NRF1: variants seen among roughly 807,000 people sequenced by gnomAD.
The protein encoded by NRF1 is nuclear respiratory factor 1.
In NRF1, 5 loss-of-function variants were observed where a neutral mutation model predicts 58.5. The ratio of observed to expected loss-of-function variants is 0.09; its 90% confidence interval spans 0.04 to 0.18. The LOEUF (loss-of-function observed/expected upper bound fraction) is 0.18. Ranked by LOEUF, NRF1 falls within the 10% of genes least tolerant of loss-of-function variation. NRF1 has a pLI of 1.00. For missense variants in NRF1, 288 were observed against 657.7 expected, an observed-to-expected ratio of 0.44 and a Z score of 6.15; for synonymous variants, 224 against 246.7, an observed-to-expected ratio of 0.91 and a Z score of 0.86.
At chr7:129,645,325 A>G (rs1365064771) in intron 1 of NRF1, among the ~76,000 whole-genome samples, 1 of 152,254 alleles carries the variant, frequency 6.6e-6, no homozygotes, top group Non-Finnish European at 1.5e-5. Context: ...AATGGAATAC[A>G]GTATTCTGGT....
intron 4 of NRF1, among the ~76,000 whole-genome samples, chr7:129,679,458 A>G (rs150378833): frequency 6.6e-6 from 1 of 152,246 alleles, no homozygotes; most frequent in Admixed American, 6.5e-5. Flanking sequence ...TATTGAGAAT[A>G]TATAAAGAAT....
intron 2 of NRF1, among the ~76,000 whole-genome samples, chr7:129,657,935 G>A (rs935719457): frequency 2.4e-4 from 36 of 152,106 alleles, no homozygotes; most frequent in Admixed American, 4.6e-4. Flanking sequence ...TTTAAGCCTT[G>A]CAGTTATAAC....
chr7:129,701,427 G>A (rs922773650), intron 5 of NRF1, among the ~76,000 whole-genome samples: 3 of 151,754 alleles, frequency 2.0e-5, no homozygotes, highest in South Asian at 2.1e-4. Flanking sequence ...GTGAAACCCC[G>A]TCTCTACTAA....
chr7:129,615,422 A>T (rs1161499013), intron 1 of NRF1, among the ~76,000 whole-genome samples: 1 of 28,376 alleles, frequency 3.5e-5, no homozygotes, highest in African/African-American at 1.3e-4. Flanking sequence ...TTTGTGTGTG[A>T]CTGTGTGATG....
chr7:129,639,839 C>T (rs1187864979), intron 1 of NRF1, among the ~76,000 whole-genome samples: 9 of 152,304 alleles, frequency 5.9e-5, no homozygotes, highest in East Asian at 3.9e-4. Flanking sequence ...TGAGCCACTG[C>T]GCTCTTCCGC....
chr7:129,695,534 C>G (rs1288673205), intron 5 of NRF1, among the ~76,000 whole-genome samples: 4 of 151,086 alleles, frequency 2.6e-5, no homozygotes, highest in South Asian at 2.1e-4. Context: ...CGAGATCATG[C>G]CACTGCACTC....
intron 5 of NRF1, among the ~76,000 whole-genome samples, chr7:129,708,311 A>G (rs1802997932): frequency 6.6e-6 from 1 of 152,272 alleles, no homozygotes; most frequent in African/African-American, 2.4e-5. Context: ...TTACTATGCC[A>G]GGAAATAAGA....
chr7:129,756,718 T>G lies in NRF1; in HGVS notation c.*1537T>G, dbSNP rs1804268743. On this transcript the variant is annotated 3_prime_UTR_variant, in exon 11 of 11. Transcript: ENST00000393232. ...GCGACATTAAAAGATTCTCCACGTC[T>G]TGCTCAACCTTTGAGAGAAGTTTCA... 1 of 152,676 alleles carries G rather than the reference T, an allele frequency of 6.5e-6. No homozygotes were observed. 9.5% of individuals were successfully genotyped at this position (152,676 alleles called of 1,614,324 possible). A position where few individuals can be genotyped will look rare whatever the true frequency, so the allele number is the denominator to read the frequency against.
intron 1 of NRF1, among the ~76,000 whole-genome samples, chr7:129,639,191 C>T (rs568973371): frequency 1.5e-4 from 23 of 152,152 alleles, no homozygotes; most frequent in Admixed American, 7.2e-4. Flanking sequence ...TCCCGAGTAG[C>T]TGGGATTATA....
intron 8 of NRF1, among the ~76,000 whole-genome samples, chr7:129,712,586 G>A (rs1803098501): frequency 6.6e-6 from 1 of 152,214 alleles, no homozygotes; most frequent in Admixed American, 6.5e-5. Flanking sequence ...CTGTGTAGCT[G>A]CAGCTGTGTG....
chr7:129,680,784 C>T (rs975572500), intron 4 of NRF1, among the ~76,000 whole-genome samples: 2 of 152,124 alleles, frequency 1.3e-5, no homozygotes, highest in African/African-American at 4.8e-5. Flanking sequence ...TAGTGGTTGC[C>T]AGAGACTGGG....
intron 9 of NRF1, among the ~76,000 whole-genome samples, chr7:129,719,545 A>ACACAC (rs1562982215): frequency 6.4e-5 from 6 of 93,094 alleles, no homozygotes; most frequent in South Asian, 3.3e-4. Flanking sequence ...CACACACACA[A>ACACAC]CACATCTTCT....
chr7:129,729,372 G>C (rs1803527066), intron 10 of NRF1, among the ~76,000 whole-genome samples: 1 of 152,232 alleles, frequency 6.6e-6, no homozygotes, highest in Non-Finnish European at 1.5e-5. Context: ...CATTTGGTGT[G>C]ATTTCATGTT....
At chr7:129,619,433 T>TATATACAC (rs1554401492) in intron 1 of NRF1, among the ~76,000 whole-genome samples, 3 of 65,864 alleles carry the variant, frequency 4.6e-5, no homozygotes, top group African/African-American at 2.5e-4. Flanking sequence ...TATATATATA[T>TATATACAC]ACACACACAC....
rs527484262 is a variant in NRF1 at position 129,671,322 on chromosome 7, C to T, written c.224-107C>T. 17 of 625,480 alleles carry T rather than the reference C, an allele frequency of 2.7e-5. No homozygotes were observed. In the South Asian group the frequency reaches 3.1e-4, roughly 12 times the overall value. 38.7% of individuals were successfully genotyped at this position (625,480 alleles called of 1,614,324 possible). On this transcript the variant is annotated intron_variant, in intron 2 of 10. Transcript: ENST00000393232. The stretch of plus-strand genomic sequence containing the variant: ...ATCAGGATCATTCTTTATTTACCGA[C>T]AACAATATTAGGAAAGCAGTGCTAC...
intron 1 of NRF1, among the ~76,000 whole-genome samples, chr7:129,636,997 G>A (rs1012605080): frequency 3.3e-5 from 5 of 152,146 alleles, no homozygotes; most frequent in African/African-American, 1.2e-4. Context: ...TGCCTAGTAA[G>A]TAAAATGACC....
At chr7:129,651,187 C>T (rs1801526265) in intron 1 of NRF1, among the ~76,000 whole-genome samples, 1 of 151,768 alleles carries the variant, frequency 6.6e-6, no homozygotes, top group Non-Finnish European at 1.5e-5. Flanking sequence ...TTTGAGAGAC[C>T]GAGGCAGATG....
chr7:129,678,187 C>A (rs921385758), intron 4 of NRF1, among the ~76,000 whole-genome samples: 1 of 152,102 alleles, frequency 6.6e-6, no homozygotes, highest in Non-Finnish European at 1.5e-5. Context: ...TTACATTTAT[C>A]AAAGAATTGA....
At chr7:129,715,068 G>A (rs1050668924) in intron 8 of NRF1, among the ~76,000 whole-genome samples, 4 of 152,146 alleles carry the variant, frequency 2.6e-5, no homozygotes, top group African/African-American at 7.2e-5. Context: ...TTGAGGGTGG[G>A]TAGTTAATCA....
Sources: allele counts gnomAD v4.1 joint callset (sites outside exome capture counted in the v4.1 genomes callset), GRCh38; gene constraint gnomAD v4.1.1; transcripts MANE v1.5; gene names NCBI Gene and HGNC (gene_info 2026-07-23, HGNC 2026-07-21).